Variants in ANGPT1 observed in about 807,000 individuals in gnomAD.
ANGPT1 encodes angiopoietin-1.
Under a neutral mutation model 62.2 loss-of-function variants are expected in ANGPT1, and 17 were observed. That is an observed-to-expected ratio of 0.27 (90% CI 0.19 to 0.41). The LOEUF (loss-of-function observed/expected upper bound fraction) is 0.41. Among genes scored for constraint, ANGPT1 ranks in the 10% least tolerant of loss-of-function variants. The pLI is 1.00. For synonymous variants in ANGPT1, 199 were observed against 198.9 expected (o/e 1.00, Z 0.00); for missense variants, 478 against 594.9 (o/e 0.80, Z 2.04).
intron 4 of ANGPT1, among the ~76,000 whole-genome samples, chr8:107,310,387 A>T (rs1028012089): frequency 6.6e-6 from 1 of 152,168 alleles, no homozygotes; most frequent in African/African-American, 2.4e-5. Flanking sequence ...ACTACTTCTT[A>T]CTGGCCTTTG....
At position 107,251,904 on chromosome 8, in the gene ANGPT1, C is replaced by T. The variant is rs773309717; in HGVS notation, c.1448G>A (p.Ser483Asn). Residue 483 changes from serine (S) to asparagine (N), a missense_variant, in exon 9 of 9, where the codon AGT becomes AAT. Coordinates refer to ENST00000517746, the MANE Select transcript of ANGPT1 (RefSeq NM_001146.5). ...GIKWHYFKGP[S>N]YSLRSTTMMI... is the part of the protein sequence containing the mutation. The stretch of plus-strand genomic sequence containing the variant: ...CATAGTTGTGGAACGTAAGGAGTAA[C>T]TGGGCCCTTTGAAGTAGTGCCACTT... 1.2e-6 allele frequency: 2 copies of T among 1,613,986 alleles called. No individual in the cohort carries two copies. Among genetic ancestry groups the T allele is most frequent in the South Asian group, 1.1e-5 (1 of 91,076 alleles).
Position 107,451,095 on chromosome 8 carries a change from C to A in ANGPT1, c.297+46167G>T, listed in dbSNP as rs189537682. ...TAATGGCCATACCTTTAATCACGGC[C>A]AGAGAAAGTGGCTTCATATATATTT... On this transcript the variant is annotated intron_variant, in intron 1 of 8. Transcript: ENST00000517746. 2.0e-3 allele frequency among the ~76,000 whole-genome samples: 302 copies of A among 151,816 alleles called. 2 individuals carry two copies. Among genetic ancestry groups the A allele is most frequent in the South Asian group, 8.5e-3 (41 of 4,820 alleles).
chr8:107,452,498 ATTTTTATTTTTTTT>A (rs1471194137), intron 1 of ANGPT1, among the ~76,000 whole-genome samples: 2 of 150,224 alleles, frequency 1.3e-5, no homozygotes, highest in Non-Finnish European at 3.0e-5. Context: ...TTATTTTTTT[ATTTTTATTTTTTTT>A]GAAGTTTGTA....
At chr8:107,407,369 C>T (rs551672918) in intron 1 of ANGPT1, among the ~76,000 whole-genome samples, 3 of 151,850 alleles carry the variant, frequency 2.0e-5, no homozygotes, top group East Asian at 3.9e-4. Context: ...ATGTAAATAC[C>T]GAGGATGGAT....
chr8:107,348,296 G>A (rs575790948), intron 1 of ANGPT1, among the ~76,000 whole-genome samples: 62 of 152,248 alleles, frequency 4.1e-4, no homozygotes, highest in African/African-American at 1.4e-3. Context: ...ATAATCCATA[G>A]TAAAATTATT....
In ANGPT1 at chr8:107,492,993, T is replaced by C. The variant is rs1351127287; in HGVS notation, c.297+4269A>G. 4.0e-5 allele frequency among the ~76,000 whole-genome samples: 6 copies of C among 150,482 alleles called. 1 individual carries two copies. Among genetic ancestry groups the C allele is most frequent in the Non-Finnish European group, 7.4e-5 (5 of 67,736 alleles). On this transcript the variant is annotated intron_variant, in intron 1 of 8. Coordinates refer to ENST00000517746, the MANE Select transcript of ANGPT1 (RefSeq NM_001146.5). ...AAACATTATTGTACAAAGGAATATC[T>C]AGCTGACCCTCAAGTAGCCTAGTGC...
intron 1 of ANGPT1, among the ~76,000 whole-genome samples, chr8:107,427,296 A>G (rs143685679): frequency 5.1e-4 from 77 of 152,274 alleles, no homozygotes; most frequent in African/African-American, 1.7e-3. Flanking sequence ...ACGTTCCTGC[A>G]CTGTCTCATT....
chr8:107,386,044 A>G (rs1816725952), intron 1 of ANGPT1, among the ~76,000 whole-genome samples: 1 of 152,086 alleles, frequency 6.6e-6, no homozygotes, highest in African/African-American at 2.4e-5. Context: ...CTTATACACC[A>G]TAGAATACTA....
chr8:107,261,553 A>C (rs1230515509), intron 8 of ANGPT1, among the ~76,000 whole-genome samples: 1 of 151,822 alleles, frequency 6.6e-6, no homozygotes, highest in African/African-American at 2.4e-5. Flanking sequence ...AAAATACAAA[A>C]AATTAGCCGG....
intron 1 of ANGPT1, among the ~76,000 whole-genome samples, chr8:107,390,113 T>TA (rs1409533309): frequency 6.6e-6 from 1 of 152,138 alleles, no homozygotes; most frequent in Non-Finnish European, 1.5e-5. Flanking sequence ...AAAGGTGAAT[T>TA]ACCCATAATA....
intron 1 of ANGPT1, among the ~76,000 whole-genome samples, chr8:107,391,616 G>A (rs938101548): frequency 6.6e-6 from 1 of 152,128 alleles, no homozygotes; most frequent in Admixed American, 6.5e-5. Context: ...GGAGTGACCT[G>A]AGATCATGCC....
intron 1 of ANGPT1, among the ~76,000 whole-genome samples, chr8:107,480,046 T>C (rs1812635875): frequency 6.6e-6 from 1 of 152,158 alleles, no homozygotes; most frequent in African/African-American, 2.4e-5. Flanking sequence ...GTCATAAGTC[T>C]TACTGGAATG....
chr8:107,284,900 A>G (rs1181234206), intron 6 of ANGPT1, 52 bp from the exon 7 acceptor site: 10 of 1,314,348 alleles, frequency 7.6e-6, no homozygotes. Context: ...AATTCTTTTC[A>G]TGTTCAGCAT....
intron 1 of ANGPT1, among the ~76,000 whole-genome samples, chr8:107,490,158 T>C (rs940387873): frequency 2.0e-5 from 3 of 152,318 alleles, no homozygotes; most frequent in Non-Finnish European, 4.4e-5. Context: ...CTAATGTTTA[T>C]ACTTAAAACA....
intron 7 of ANGPT1, among the ~76,000 whole-genome samples, chr8:107,275,006 C>T (rs867731203): frequency 1.6e-4 from 24 of 151,808 alleles, no homozygotes; most frequent in Admixed American, 1.3e-4. Flanking sequence ...CAATCAAGGA[C>T]GAAGAGCTCT....
intron 7 of ANGPT1, among the ~76,000 whole-genome samples, chr8:107,278,081 T>C (rs989868008): frequency 1.3e-5 from 2 of 150,788 alleles, no homozygotes; most frequent in African/African-American, 4.9e-5. Context: ...TTCTTTTCTT[T>C]TTTTTTTTTT....
chr8:107,496,810 G>T (rs988114391), intron 1 of ANGPT1, among the ~76,000 whole-genome samples: 13 of 151,696 alleles, frequency 8.6e-5, no homozygotes, highest in African/African-American at 3.2e-4. Flanking sequence ...TTTTATAAAG[G>T]TTAAAAAAAC....
chr8:107,387,242 G>A (rs1212936547), intron 1 of ANGPT1, among the ~76,000 whole-genome samples: 2 of 152,086 alleles, frequency 1.3e-5, no homozygotes, highest in African/African-American at 4.8e-5. Context: ...TATGAGCAAC[G>A]TTGATGAAAT....
At chr8:107,255,745 C>T (rs1813343682) in intron 8 of ANGPT1, among the ~76,000 whole-genome samples, 1 of 151,978 alleles carries the variant, frequency 6.6e-6, no homozygotes, top group African/African-American at 2.4e-5. Flanking sequence ...TTTCACAGCA[C>T]AGTTATAAGA....
Sources: allele counts gnomAD v4.1 joint callset (sites outside exome capture counted in the v4.1 genomes callset), GRCh38; gene constraint gnomAD v4.1.1; transcripts MANE v1.5; gene names NCBI Gene and HGNC (gene_info 2026-07-23, HGNC 2026-07-21).